The following VPS13C variants were observed in gnomAD, a reference collection of about 807,000 sequenced individuals.
VPS13C encodes vacuolar protein sorting 13 homolog C.
In VPS13C, 358 loss-of-function variants were observed where a neutral mutation model predicts 456.8. The observed-to-expected ratio is 0.78, with a 90% CI of 0.72 to 0.86. The LOEUF (loss-of-function observed/expected upper bound fraction) is 0.86. VPS13C is among the 40% of genes least tolerant of loss of function. The pLI, the probability that VPS13C is intolerant of heterozygous loss-of-function variation, is 0.00. For synonymous variants in VPS13C, 1,578 were observed against 1,486.7 expected, an observed-to-expected ratio of 1.06 and a Z score of -1.41; for missense variants, 4,818 against 4,385.4, an observed-to-expected ratio of 1.10 and a Z score of -2.79.
At position 61,940,807 on chromosome 15, in the gene VPS13C, CAAG is replaced by C. The variant is rs755099911; in HGVS notation, c.5454-16_5454-14del. Reference sequence around the variant, plus strand: ...CTGCAAAATAGTTCTGAAAGAAAAACAAGAATTTATTTTTTACTTCAAATTTAC... The same window carrying C: ...CTGCAAAATAGTTCTGAAAGAAAAACAATTTATTTTTTACTTCAAATTTAC... On this transcript the variant is annotated splice_polypyrimidine_tract_variant and intron_variant, in intron 46 of 84. Transcript: ENST00000644861. 40 of 1,602,926 alleles carry C rather than the reference CAAG, an allele frequency of 2.5e-5. No individual in the cohort carries two copies. The highest frequency in any genetic ancestry group is 3.3e-5 in the Non-Finnish European group (39 of 1,174,204).
chr15:61,953,157 T>C (rs1209233165), intron 38 of VPS13C, among the ~76,000 whole-genome samples: 1 of 152,094 alleles, frequency 6.6e-6, no homozygotes, highest in East Asian at 1.9e-4. Flanking sequence ...ACTCACACTT[T>C]TATGCCTGTT....
chr15:61,864,856 T>A, intron 81 of VPS13C: 2 of 975,292 alleles, frequency 2.1e-6, no homozygotes, highest in Non-Finnish European at 2.4e-6. Flanking sequence ...TTTAATAATG[T>A]AATGCATTTA....
intron 9 of VPS13C, 42 bp downstream of exon 9, chr15:62,020,437 C>A: frequency 1.3e-6 from 2 of 1,554,690 alleles, no homozygotes; most frequent in Non-Finnish European, 8.8e-7. Flanking sequence ...CAGAATAATA[C>A]TTTACAGGTT....
chr15:61,861,473 T>A (rs924901758), intron 82 of VPS13C, among the ~76,000 whole-genome samples: 4 of 152,186 alleles, frequency 2.6e-5, no homozygotes, highest in Admixed American at 6.5e-5. Flanking sequence ...AATTTTACTA[T>A]CTGTCCCTTT....
chr15:61,877,488 C>T (rs12708470), intron 74 of VPS13C, among the ~76,000 whole-genome samples: 2 of 149,532 alleles, frequency 1.3e-5, no homozygotes, highest in Admixed American at 6.7e-5. Context: ...GTGGCAGTGT[C>T]GTAACAAACA....
chr15:61,930,047 C>T (rs541489906), intron 50 of VPS13C, among the ~76,000 whole-genome samples: 2 of 152,082 alleles, frequency 1.3e-5, no homozygotes, highest in Admixed American at 6.5e-5. Context: ...ACTAAAGAAA[C>T]AAACCAATAA....
At position 61,936,630 on chromosome 15, in the gene VPS13C, C is replaced by T. The variant is rs770036504; in HGVS notation, c.5722G>A (p.Val1908Ile). Residue 1908 changes from valine to isoleucine, a missense_variant, in exon 48 of 85, where the codon GTT (valine) becomes ATT (isoleucine). Physicochemically the swap from Val to Ile is conservative, Grantham distance 29. Coordinates refer to ENST00000644861, the MANE Select transcript of VPS13C (RefSeq NM_020821.3). Reference protein sequence around the residue: ...SVQETVRVRKVDVSSVPDHLK... With the variant: ...SVQETVRVRKIDVSSVPDHLK... ...TGGTCAGGTACACTTGAAACATCAA[C>T]TTTTCTCACTCTTACAGTCTCCTGC... is the stretch of plus-strand genomic sequence containing the variant. 6.3e-7 allele frequency: 1 copy of T among 1,585,080 alleles called. No homozygotes were observed. The highest frequency in any genetic ancestry group is 2.3e-5 in the East Asian group (1 of 44,430).
At chr15:61,902,562 G>A (rs935431140) in intron 66 of VPS13C, among the ~76,000 whole-genome samples, 8 of 149,192 alleles carry the variant, frequency 5.4e-5, no homozygotes, top group Non-Finnish European at 1.0e-4. Flanking sequence ...AAATTAACAT[G>A]ACACATGACA....
chr15:61,869,123 T>C (rs71411467), intron 80 of VPS13C, among the ~76,000 whole-genome samples: 157 of 88,000 alleles, frequency 1.8e-3, no homozygotes, highest in Non-Finnish European at 2.3e-3. Context: ...TTTCTTTTTT[T>C]TTTTTTTTTT....
rs1235861915 is a variant in VPS13C at position 61,946,307 on chromosome 15, C to T, written c.4980G>A (p.Lys1660=). 1 of 1,575,744 alleles carries T rather than the reference C, an allele frequency of 6.3e-7. No homozygotes were observed. Among genetic ancestry groups the T allele is most frequent in the African/African-American group, 1.4e-5 (1 of 72,418 alleles). ...ATATAAAAATCTATTTTTTAATCACCTTTTTGTGAATGGACTGCAAATCTA... is the reference window on the plus strand; with the variant it reads ...ATATAAAAATCTATTTTTTAATCACTTTTTTGTGAATGGACTGCAAATCTA... The part of the protein sequence containing the change: ...MNVDLQSIHK[K]AVSILGDEVF... Residue 1660 remains lysine, a splice_region_variant and synonymous_variant, in exon 44 of 85, where the codon AAG becomes AAA. Coordinates refer to ENST00000644861, the MANE Select transcript of VPS13C (RefSeq NM_020821.3).
chr15:61,900,363 C>T (rs1376793605), intron 66 of VPS13C, among the ~76,000 whole-genome samples: 1 of 152,112 alleles, frequency 6.6e-6, no homozygotes, highest in Non-Finnish European at 1.5e-5. Flanking sequence ...TTTAGAAAAC[C>T]CCACCGTCTC....
chr15:62,045,810 C>T (rs2048381626), intron 1 of VPS13C, among the ~76,000 whole-genome samples: 1 of 151,782 alleles, frequency 6.6e-6, no homozygotes, highest in Non-Finnish European at 1.5e-5. Flanking sequence ...ATCTAAATGT[C>T]CAGGAAGAAG....
intron 82 of VPS13C, among the ~76,000 whole-genome samples, chr15:61,862,441 A>T (rs1232934430): frequency 1.3e-5 from 2 of 152,184 alleles, no homozygotes; most frequent in Non-Finnish European, 2.9e-5. Flanking sequence ...TTACCAAAAA[A>T]ACCCCAAATT....
chr15:61,863,593 A>T, intron 81 of VPS13C, 65 bp from the exon 82 acceptor site: 1 of 979,554 alleles, frequency 1.0e-6, no homozygotes, highest in Non-Finnish European at 1.6e-6. Flanking sequence ...ACAATACTGC[A>T]TATTAGCTAA....
chr15:61,913,059 AG>A (rs1365021093), intron 62 of VPS13C, among the ~76,000 whole-genome samples: 1 of 150,772 alleles, frequency 6.6e-6, no homozygotes, highest in Admixed American at 6.6e-5. Context: ...GTGGAGAAAT[AG>A]GAACACTTTT....
intron 45 of VPS13C, among the ~76,000 whole-genome samples, chr15:61,943,897 C>T (rs1377318522): frequency 7.2e-6 from 1 of 139,228 alleles, no homozygotes; most frequent in Non-Finnish European, 1.5e-5. Context: ...TGACAAAGGT[C>T]TAACATCCAG....
chr15:61,977,896 A>C (rs566392458), intron 23 of VPS13C, among the ~76,000 whole-genome samples: 13 of 152,164 alleles, frequency 8.5e-5, no homozygotes, highest in South Asian at 4.1e-4. Flanking sequence ...GTAGAGCATT[A>C]TGTATTTACG....
At chr15:62,020,770 T>C (rs960898180) in intron 8 of VPS13C, among the ~76,000 whole-genome samples, 1 of 151,976 alleles carries the variant, frequency 6.6e-6, no homozygotes, top group African/African-American at 2.4e-5. Context: ...ACTCTTTTCA[T>C]ACTAGAAGAT....
chr15:61,940,686 A>C lies in VPS13C; in HGVS notation c.5562T>G (p.Ile1854Met). Residue 1854 changes from isoleucine to methionine, a missense_variant, in exon 47 of 85, where the codon ATT becomes ATG. By Grantham distance (10) the Ile-to-Met change is conservative (BLOSUM62 1). Around this residue, in one of 3 missense-constraint regions of VPS13C, gnomAD observed 4,552 missense variants for 4,130.6 expected, o/e 1.10. Transcript: ENST00000644861. ...RNLAAAWYVQ[I>M]PGMEIKGKLK... is the part of the protein sequence containing the mutation. Reference sequence around the variant, plus strand: ...GTTTTCCTTTTATCTCCATCCCTGGAATTTGCACATACCATGCTGCTGCTA... The same window carrying C: ...GTTTTCCTTTTATCTCCATCCCTGGCATTTGCACATACCATGCTGCTGCTA... 1 of 1,613,692 alleles carries C rather than the reference A, an allele frequency of 6.2e-7. No homozygotes were observed. Among genetic ancestry groups the C allele is most frequent in the Non-Finnish European group, 8.5e-7 (1 of 1,179,812 alleles).
Sources: gnomAD v4.1 joint callset for allele counts (sites outside exome capture counted in the v4.1 genomes callset) on GRCh38, gnomAD v4.1.1 for gene constraint, gnomAD v4.1.1 regional missense constraint, MANE v1.5 for transcripts, NCBI Gene and HGNC (gene_info 2026-07-23, HGNC 2026-07-21) for gene names.